Variants in SGCZ observed in about 807,000 individuals in gnomAD.
SGCZ encodes sarcoglycan zeta, also known as zeta-sarcoglycan.
SGCZ carries 40 observed loss-of-function variants against 41.3 expected under a neutral mutation model. The observed-to-expected ratio is 0.97, with a 90% CI of 0.75 to 1.26. The LOEUF is 1.26. Among genes scored for constraint, SGCZ ranks in the 50% most tolerant of loss-of-function variants. The pLI is 0.00. For synonymous variants in SGCZ, 206 were observed against 137.5 expected (o/e 1.50, Z -3.49); for missense variants, 552 against 369.8 (o/e 1.49, Z -4.04).
chr8:14,101,391 G>A (rs1046247068), intron 7 of SGCZ, among the ~76,000 whole-genome samples: 1 of 147,306 alleles, frequency 6.8e-6, no homozygotes, highest in Non-Finnish European at 1.5e-5. Context: ...ATTGGGGAGA[G>A]GTTATCTGAG....
chr8:14,858,902 A>G (rs1289591882), intron 1 of SGCZ, among the ~76,000 whole-genome samples: 1 of 152,180 alleles, frequency 6.6e-6, no homozygotes, highest in Admixed American at 6.6e-5. Flanking sequence ...CCAAAATTCT[A>G]ATTTTTACAT....
At chr8:15,131,677 GT>G (rs34335241) in intron 1 of SGCZ, among the ~76,000 whole-genome samples, 3 of 152,258 alleles carry the variant, frequency 2.0e-5, no homozygotes, top group South Asian at 4.1e-4. Context: ...TCAAGGAAAA[GT>G]TTTTTCCTGC....
intron 1 of SGCZ, among the ~76,000 whole-genome samples, chr8:15,074,362 C>T (rs1414152523): frequency 2.0e-5 from 3 of 152,132 alleles, no homozygotes; most frequent in Non-Finnish European, 4.4e-5. Context: ...GCAGTATGAG[C>T]TTTGAATTCT....
chr8:14,612,775 C>T (rs1805971489), intron 1 of SGCZ, among the ~76,000 whole-genome samples: 1 of 152,138 alleles, frequency 6.6e-6, no homozygotes, highest in Admixed American at 6.5e-5. Flanking sequence ...CAACCTCCAC[C>T]TCCCAAGCTC....
chr8:14,472,967 G>A (rs1455728374), intron 2 of SGCZ, among the ~76,000 whole-genome samples: 1 of 152,100 alleles, frequency 6.6e-6, no homozygotes, highest in Non-Finnish European at 1.5e-5. Flanking sequence ...GCAAGACCCG[G>A]TTGGTGTTAA....
At chr8:14,262,634 T>G (rs1224247341) in intron 3 of SGCZ, among the ~76,000 whole-genome samples, 1 of 151,774 alleles carries the variant, frequency 6.6e-6, no homozygotes, top group Admixed American at 6.6e-5. Flanking sequence ...CTCAAAATAT[T>G]TTCTTATATT....
intron 2 of SGCZ, among the ~76,000 whole-genome samples, chr8:14,434,545 G>C (rs909597004): frequency 2.0e-5 from 3 of 152,158 alleles, no homozygotes; most frequent in East Asian, 1.9e-4. Context: ...TGAATCTGTA[G>C]ATTGCTTTTG....
chr8:14,797,378 G>C (rs569768741), intron 1 of SGCZ, among the ~76,000 whole-genome samples: 2 of 152,246 alleles, frequency 1.3e-5, no homozygotes, highest in Admixed American at 1.3e-4. Flanking sequence ...GGTAAATGGA[G>C]CAAAGAGGAC....
Position 14,521,812 on chromosome 8 carries a change from G to C in SGCZ, c.234+32920C>G, listed in dbSNP as rs1239084328. Among the ~76,000 whole-genome samples the C allele has an allele frequency of 5.3e-5, 8 of 152,046 alleles. No homozygotes were observed. In the East Asian group the frequency reaches 1.5e-3, roughly 29 times the overall value. ...ACACTATGTTGAATAAGAGTGATGA[G>C]AGTAGTTATCATTACTTTGTCCCTG... On this transcript the variant is annotated intron_variant, in intron 2 of 7. Transcript: ENST00000382080.
chr8:15,185,360 G>C (rs1800301548), intron 1 of SGCZ, among the ~76,000 whole-genome samples: 1 of 152,128 alleles, frequency 6.6e-6, no homozygotes, highest in African/African-American at 2.4e-5. Flanking sequence ...AACATAATTA[G>C]TTCCACCAAA....
chr8:14,855,473 T>C (rs1585321611), intron 1 of SGCZ, among the ~76,000 whole-genome samples: 1 of 152,120 alleles, frequency 6.6e-6, no homozygotes, highest in Non-Finnish European at 1.5e-5. Flanking sequence ...CCCTCAACAG[T>C]GTCCATACTT....
At chr8:14,936,677 G>C (rs1452847365) in intron 1 of SGCZ, among the ~76,000 whole-genome samples, 2 of 151,826 alleles carry the variant, frequency 1.3e-5, no homozygotes, top group Non-Finnish European at 2.9e-5. Context: ...ACCACAAACA[G>C]AGGCTAAATA....
Position 15,125,635 on chromosome 8 carries a change from T to G in SGCZ, c.39+111950A>C, listed in dbSNP as rs1201086195. On this transcript the variant is annotated intron_variant, in intron 1 of 7. Transcript: ENST00000382080. ...ATACCCCAATATACTCTGGAATATATCTCAATGATTAGATAGAATAGTTAT... is the reference window on the plus strand; with the variant it reads ...ATACCCCAATATACTCTGGAATATAGCTCAATGATTAGATAGAATAGTTAT... 2.6e-5 allele frequency among the ~76,000 whole-genome samples: 4 copies of G among 152,214 alleles called. No individual in the cohort carries two copies. In the East Asian group the frequency reaches 7.7e-4, roughly 29 times the overall value.
chr8:14,589,300 T>C lies in SGCZ; in HGVS notation c.40-34374A>G, dbSNP rs144147580. On this transcript the variant is annotated intron_variant, in intron 1 of 7. Coordinates refer to ENST00000382080, the MANE Select transcript of SGCZ (RefSeq NM_139167.4). Reference sequence around the variant, plus strand: ...GGTGAGTGTTGCAGTGAGCTGAGATTGCACCACTGCACTCCAGCCTGGATG... The same window carrying C: ...GGTGAGTGTTGCAGTGAGCTGAGATCGCACCACTGCACTCCAGCCTGGATG... Among the ~76,000 whole-genome samples the C allele has an allele frequency of 7.4e-3, 1,115 of 150,234 alleles. 15 individuals are homozygous for C. The highest frequency in any genetic ancestry group is 0.026 in the African/African-American group (1,058 of 40,734).
intron 2 of SGCZ, among the ~76,000 whole-genome samples, chr8:14,515,739 A>G (rs755261511): frequency 1.3e-5 from 2 of 152,094 alleles, no homozygotes; most frequent in Non-Finnish European, 2.9e-5. Flanking sequence ...CAAGGTGAAC[A>G]CTTTGAATTA....
chr8:15,047,286 T>G (rs754905890), intron 1 of SGCZ, among the ~76,000 whole-genome samples: 2 of 152,082 alleles, frequency 1.3e-5, no homozygotes, highest in Non-Finnish European at 2.9e-5. Flanking sequence ...ACTCATGTAA[T>G]TCACACTTCT....
chr8:14,792,428 T>C (rs1180607277), intron 1 of SGCZ, among the ~76,000 whole-genome samples: 1 of 152,174 alleles, frequency 6.6e-6, no homozygotes, highest in Non-Finnish European at 1.5e-5. Flanking sequence ...ATCAACTCTC[T>C]ATTCAACTCT....
intron 1 of SGCZ, among the ~76,000 whole-genome samples, chr8:14,939,126 C>T (rs1324859904): frequency 1.3e-5 from 2 of 152,086 alleles, no homozygotes; most frequent in African/African-American, 4.8e-5. Context: ...TCCAGGATTC[C>T]TGATGATTTC....
intron 2 of SGCZ, among the ~76,000 whole-genome samples, chr8:14,334,074 T>C (rs904837801): frequency 6.6e-6 from 1 of 152,052 alleles, no homozygotes; most frequent in Non-Finnish European, 1.5e-5. Context: ...CAAATATTTG[T>C]CTGTTACTAT....
Sources: allele counts gnomAD v4.1 joint callset (sites outside exome capture counted in the v4.1 genomes callset), GRCh38; gene constraint gnomAD v4.1.1; transcripts MANE v1.5; gene names NCBI Gene and HGNC (gene_info 2026-07-23, HGNC 2026-07-21).